BLTP3A: variants seen among roughly 807,000 people sequenced by gnomAD.
BLTP3A encodes ICBP90 binding protein 1.
chr6:34,858,254 G>A, the BLTP3A span: 8 of 1,614,080 alleles, frequency 5.0e-6, no homozygotes, highest in Admixed American at 1.0e-4. Context: ...GACCTCCAGA[G>A]TCTCTTCCGG....
At chr6:34,831,901 G>T in the BLTP3A span, among the ~76,000 whole-genome samples, 1 of 151,816 alleles carries the variant, frequency 6.6e-6, no homozygotes, top group Admixed American at 6.6e-5. Flanking sequence ...TGCAACCTCT[G>T]CCTCCCAGGT....
the BLTP3A span, among the ~76,000 whole-genome samples, chr6:34,840,088 C>A: frequency 2.0e-5 from 3 of 152,180 alleles, no homozygotes; most frequent in Non-Finnish European, 4.4e-5. Flanking sequence ...TATGCCTGTG[C>A]TCTAAACTTG....
the BLTP3A span, among the ~76,000 whole-genome samples, chr6:34,829,027 C>CAAAAAAAAAAAAAAAAAAAAA: frequency 2.0e-5 from 1 of 50,726 alleles, no homozygotes; most frequent in Non-Finnish European, 3.2e-5. Context: ...AACTCCATCT[C>CAAAAAAAAAAAAAAAAAAAAA]AAAAAAAAAA....
the BLTP3A span, chr6:34,872,396 T>C: frequency 1.2e-6 from 2 of 1,612,962 alleles, no homozygotes; most frequent in Non-Finnish European, 8.5e-7. Context: ...AAGAAAAACT[T>C]CTTCAGGAGA....
chr6:34,824,222 T>C, the BLTP3A span, among the ~76,000 whole-genome samples: 12 of 152,164 alleles, frequency 7.9e-5, no homozygotes, highest in Admixed American at 6.6e-4. Context: ...AAAAAAAATA[T>C]ATTGCTATCA....
the BLTP3A span, among the ~76,000 whole-genome samples, chr6:34,851,581 C>T: frequency 1.3e-5 from 2 of 152,186 alleles, no homozygotes; most frequent in African/African-American, 4.8e-5. Context: ...AGATGTGAAG[C>T]CAGCACTGTA....
At chr6:34,858,875 G>C in the BLTP3A span, 1 of 1,614,106 alleles carries the variant, frequency 6.2e-7, no homozygotes, top group Non-Finnish European at 8.5e-7. Flanking sequence ...GCTCTGCTTC[G>C]CCTGAAGGAG....
chr6:34,859,133 C>T, the BLTP3A span: 8 of 1,614,154 alleles, frequency 5.0e-6, no homozygotes, highest in Non-Finnish European at 6.8e-6. Flanking sequence ...GACCAGGGCC[C>T]AGCAAGCCCT....
At chr6:34,831,090 CTA>C in the BLTP3A span, among the ~76,000 whole-genome samples, 1 of 150,240 alleles carries the variant, frequency 6.7e-6, no homozygotes. Context: ...CAGATATCTT[CTA>C]CTCTGTACAG....
At chr6:34,875,812 G>A in the BLTP3A span, 2 of 152,296 alleles carry the variant, frequency 1.3e-5, no homozygotes, top group East Asian at 3.8e-4. Context: ...CGAAGTGGTG[G>A]TAGTCCTCAG....
chr6:34,810,101 C>T, the BLTP3A span, among the ~76,000 whole-genome samples: 88 of 152,232 alleles, frequency 5.8e-4, no homozygotes, highest in East Asian at 7.5e-3. Context: ...TCTGAAGTGG[C>T]GGATACCGGG....
chr6:34,864,613 C>T, the BLTP3A span, among the ~76,000 whole-genome samples: 5 of 145,782 alleles, frequency 3.4e-5, no homozygotes, highest in South Asian at 2.2e-4. Flanking sequence ...GGAATTACCT[C>T]TGTAAGTTAA....
the BLTP3A span, chr6:34,857,229 G>T: frequency 7.2e-7 from 1 of 1,384,418 alleles, no homozygotes; most frequent in South Asian, 1.3e-5. Context: ...CCCTGTGACA[G>T]ACTTCAGAGG....
At chr6:34,854,884 G>A in the BLTP3A span, among the ~76,000 whole-genome samples, 87 of 152,252 alleles carry the variant, frequency 5.7e-4, no homozygotes, top group African/African-American at 2.0e-3. Flanking sequence ...GTTGAATAGG[G>A]TGACCCAGAC....
the BLTP3A span, among the ~76,000 whole-genome samples, chr6:34,827,224 T>C: frequency 6.6e-6 from 1 of 151,304 alleles, no homozygotes; most frequent in Non-Finnish European, 1.5e-5. Context: ...GGCAGGGGAG[T>C]TGCTTGAACC....
chr6:34,848,261 G>A, the BLTP3A span, among the ~76,000 whole-genome samples: 24 of 149,304 alleles, frequency 1.6e-4, no homozygotes, highest in African/African-American at 5.5e-4. Flanking sequence ...TCCAGCCCAG[G>A]CAACAGAGCA....
the BLTP3A span, among the ~76,000 whole-genome samples, chr6:34,807,240 A>ATAC: frequency 6.6e-6 from 1 of 152,178 alleles, no homozygotes; most frequent in Admixed American, 6.6e-5. Context: ...ATGAGTCATG[A>ATAC]GGTATAGTAT....
At chr6:34,858,245 A>G in the BLTP3A span, 7 of 1,613,768 alleles carry the variant, frequency 4.3e-6, no homozygotes, top group Admixed American at 6.7e-5. Flanking sequence ...AGTTGTTCAG[A>G]CCTCCAGAGT....
the BLTP3A span, chr6:34,864,222 A>C: frequency 3.1e-6 from 5 of 1,603,364 alleles, no homozygotes; most frequent in Non-Finnish European, 4.3e-6. Context: ...GAGCCAGGCA[A>C]AGTTGCAGAA....
Sources: allele counts gnomAD v4.1 joint callset (sites outside exome capture counted in the v4.1 genomes callset), GRCh38; gene constraint gnomAD v4.1.1; transcripts MANE v1.5; gene names NCBI Gene and HGNC (gene_info 2026-07-23, HGNC 2026-07-21).